Variants in SLC7A13 observed in about 807,000 individuals in gnomAD.
SLC7A13 encodes the protein X-amino acid transporter 2.
SLC7A13 carries 31 observed loss-of-function variants against 32.0 expected under a neutral mutation model. The ratio of observed to expected loss-of-function variants is 0.97; its 90% CI spans 0.73 to 1.31. The LOEUF is 1.31. Among genes scored for constraint, SLC7A13 ranks in the 50% most tolerant of loss-of-function variants. The probability of loss-of-function intolerance (pLI) is 0.00; values close to 1 mark genes in which losing one functional copy is unlikely to be tolerated. For missense variants in SLC7A13, 633 were observed against 546.9 expected (o/e 1.16, Z -1.57); for synonymous variants, 232 against 206.9 (o/e 1.12, Z -1.04).
In SLC7A13 at chr8:86,214,618, A is replaced by T. The variant is rs747247822; in HGVS notation, c.1208T>A (p.Ile403Lys). ...KVFLSFPLAT[I>K]VIDVGLVVIP... The stretch of plus-strand genomic sequence containing the variant: ...CACAACCAAGCCCACGTCGATGACT[A>T]TTGTTGCTAATGGAAATGACAAAAA... Residue 403 changes from isoleucine (I) to lysine (K), a missense_variant, in exon 4 of 4, where the codon ATA (isoleucine) becomes AAA (lysine). Coordinates refer to ENST00000297524, the MANE Select transcript of SLC7A13 (RefSeq NM_138817.3). 6.2e-7 allele frequency: 1 copy of T among 1,608,970 alleles called. No homozygotes were observed. Among genetic ancestry groups the T allele is most frequent in the East Asian group, 2.2e-5 (1 of 44,756 alleles).
At chr8:86,229,007 G>A (rs1032595675) in intron 1 of SLC7A13, among the ~76,000 whole-genome samples, 1 of 152,092 alleles carries the variant, frequency 6.6e-6, no homozygotes, top group African/African-American at 2.4e-5. Context: ...ATGCATCCAA[G>A]GTTGCTGTAG....
chr8:86,215,598 A>C (rs1586141787), intron 3 of SLC7A13: 1 of 380,052 alleles, frequency 2.6e-6, no homozygotes, highest in Non-Finnish European at 5.2e-6. Context: ...AGGCAGGAGA[A>C]TCTCTTGAAC....
At chr8:86,224,413 A>G (rs1820354941) in intron 1 of SLC7A13, among the ~76,000 whole-genome samples, 1 of 152,178 alleles carries the variant, frequency 6.6e-6, no homozygotes. Flanking sequence ...AAATTTTCCT[A>G]TTATACATTT....
chr8:86,223,339 C>G (rs1820336902), intron 1 of SLC7A13, among the ~76,000 whole-genome samples: 1 of 151,998 alleles, frequency 6.6e-6, no homozygotes, highest in South Asian at 2.1e-4. Flanking sequence ...CTCTCCCTTC[C>G]AAGTCTCTGT....
rs546328658 is a variant in SLC7A13, at chr8:86,217,570, A to G, written c.1079T>C (p.Ile360Thr). ...AIILTSLIDL[I>T]NYIFFTGSLW... ...TGAACCCGTGAAAAAAATATAGTTTATCAAATCAATTAGACTTGTTAAGAT... is the reference window on the plus strand; with the variant it reads ...TGAACCCGTGAAAAAAATATAGTTTGTCAAATCAATTAGACTTGTTAAGAT... Residue 360 changes from isoleucine (I) to threonine (T), a missense_variant, in exon 3 of 4, where the codon ATA becomes ACA. Coordinates refer to ENST00000297524, the MANE Select transcript of SLC7A13 (RefSeq NM_138817.3). The G allele has an allele frequency of 5.6e-6, 9 of 1,613,200 alleles. No individual in the cohort carries two copies. In the African/African-American group the frequency reaches 1.2e-4, roughly 22 times the overall value.
chr8:86,221,038 T>C (rs987802214), intron 2 of SLC7A13, among the ~76,000 whole-genome samples: 1 of 151,800 alleles, frequency 6.6e-6, no homozygotes, highest in Non-Finnish European at 1.5e-5. Flanking sequence ...ACTTTCCCCC[T>C]TATTACACAA....
chr8:86,214,860 A>T (rs1334737152), intron 3 of SLC7A13, among the ~76,000 whole-genome samples: 1 of 152,202 alleles, frequency 6.6e-6, no homozygotes, highest in Non-Finnish European at 1.5e-5. Flanking sequence ...GGGAATGGGC[A>T]TCTAGCATTT....
chr8:86,217,951 G>T, intron 2 of SLC7A13, 120 bp from the exon 3 acceptor site: 4 of 1,127,164 alleles, frequency 3.5e-6, no homozygotes, highest in Non-Finnish European at 4.8e-6. Flanking sequence ...CATTTAGTTT[G>T]CTTAATTTTA....
rs373743866 is a variant in SLC7A13, at chr8:86,214,608, G to A, written c.1218C>T (p.Asp406=). The A allele has an allele frequency of 6.6e-5, 106 of 1,612,940 alleles. No individual in the cohort carries two copies. The highest frequency in any genetic ancestry group is 2.5e-4 in the South Asian group (23 of 90,952). The stretch of plus-strand genomic sequence containing the variant: ...CCAATGGTATCACAACCAAGCCCAC[G>A]TCGATGACTATTGTTGCTAATGGAA... ...LSFPLATIVI[D]VGLVVIPLVK... is the part of the protein sequence containing the mutation. The change falls in exon 4 of 4, where the codon GAC becomes GAT. Residue 406 remains aspartate (D), a synonymous_variant. Coordinates refer to ENST00000297524, the MANE Select transcript of SLC7A13 (RefSeq NM_138817.3).
rs7814198 is a variant in SLC7A13 at position 86,229,618 on chromosome 8, G to A, written c.660C>T (p.Gly220=). ...AIFQGYFAYS[G]GACFTLIAGE... Reference sequence around the variant, plus strand: ...CTGCTATAAGTGTAAAGCATGCCCCGCCTGAATATGCAAAATATCCTTGGA... The same window carrying A: ...CTGCTATAAGTGTAAAGCATGCCCCACCTGAATATGCAAAATATCCTTGGA... The change falls in exon 1 of 4, where the codon GGC becomes GGT. Residue 220 remains glycine, a synonymous_variant. Transcript: ENST00000297524. 448,513 of 1,613,098 alleles carry A rather than the reference G, an allele frequency of 0.28. 71,697 individuals carry two copies. Among genetic ancestry groups the A allele is most frequent in the South Asian group, 0.5 (45,963 of 91,020 alleles).
chr8:86,217,605 G>A lies in SLC7A13; in HGVS notation c.1044C>T (p.Ser348=), dbSNP rs1246194337. 3.7e-6 allele frequency: 6 copies of A among 1,613,176 alleles called. No individual in the cohort carries two copies. Among genetic ancestry groups the A allele is most frequent in the Admixed American group, 1.7e-5 (1 of 59,902 alleles). ...TAVLLLVTLG[S]LAIILTSLID... Reference sequence around the variant, plus strand: ...TTAGACTTGTTAAGATAATTGCAAGGGATCCCAAAGTGACAAGTAGTAGCA... The same window carrying A: ...TTAGACTTGTTAAGATAATTGCAAGAGATCCCAAAGTGACAAGTAGTAGCA... Residue 348 remains serine, a synonymous_variant, in exon 3 of 4, where the codon TCC becomes TCT. Coordinates refer to ENST00000297524, the MANE Select transcript of SLC7A13 (RefSeq NM_138817.3).
intron 1 of SLC7A13, 96 bp downstream of exon 1, chr8:86,229,497 A>T: frequency 8.8e-7 from 1 of 1,141,090 alleles, no homozygotes; most frequent in Non-Finnish European, 1.2e-6. Flanking sequence ...AAGAAACATT[A>T]AATCATTTAA....
chr8:86,226,578 A>T (rs1586149826), intron 1 of SLC7A13, among the ~76,000 whole-genome samples: 1 of 151,732 alleles, frequency 6.6e-6, no homozygotes, highest in African/African-American at 2.4e-5. Context: ...TTCTTTCTCT[A>T]CCTCCTGCTT....
chr8:86,222,672 C>T (rs1205084525), intron 2 of SLC7A13, among the ~76,000 whole-genome samples: 1 of 152,080 alleles, frequency 6.6e-6, no homozygotes, highest in African/African-American at 2.4e-5. Context: ...AGTGATTACT[C>T]AGTGTCACTC....
chr8:86,225,060 G>A (rs994740465), intron 1 of SLC7A13, among the ~76,000 whole-genome samples: 13 of 152,020 alleles, frequency 8.6e-5, no homozygotes, highest in Non-Finnish European at 4.4e-5. Context: ...CCTAAGATGT[G>A]TTGCACAAAT....
intron 1 of SLC7A13, among the ~76,000 whole-genome samples, chr8:86,224,029 G>A (rs186190313): frequency 1.3e-4 from 20 of 152,098 alleles, no homozygotes; most frequent in Admixed American, 1.3e-3. Context: ...TTGGATAGTG[G>A]GAATACAATG....
chr8:86,221,900 C>G (rs1271479737), intron 2 of SLC7A13, among the ~76,000 whole-genome samples: 1 of 152,100 alleles, frequency 6.6e-6, no homozygotes, highest in East Asian at 1.9e-4. Flanking sequence ...TGACCAGCAG[C>G]CCCAACCACA....
At chr8:86,228,905 T>A (rs1820436964) in intron 1 of SLC7A13, among the ~76,000 whole-genome samples, 2 of 151,792 alleles carry the variant, frequency 1.3e-5, no homozygotes, top group Non-Finnish European at 2.9e-5. Flanking sequence ...GGTCTCAAAC[T>A]CCTAGCCTCA....
At chr8:86,219,012 C>A (rs1309031724) in intron 2 of SLC7A13, among the ~76,000 whole-genome samples, 1 of 152,154 alleles carries the variant, frequency 6.6e-6, no homozygotes, top group Non-Finnish European at 1.5e-5. Context: ...TCATTAATAG[C>A]TCTTGTTCTT....
Sources: allele counts gnomAD v4.1 joint callset (sites outside exome capture counted in the v4.1 genomes callset), GRCh38; gene constraint gnomAD v4.1.1; transcripts MANE v1.5; gene names NCBI Gene and HGNC (gene_info 2026-07-23, HGNC 2026-07-21).